The following SLK variants were observed in gnomAD, a reference collection of about 807,000 sequenced individuals.
SLK encodes STE20 like kinase, also known as STE20-like serine/threonine-protein kinase.
A neutral mutation model predicts 147.7 loss-of-function variants in SLK; 67 were observed. The ratio of observed to expected loss-of-function variants is 0.45; its 90% CI spans 0.37 to 0.56. The LOEUF (loss-of-function observed/expected upper bound fraction) is 0.56. Among genes scored for constraint, SLK ranks in the 20% least tolerant of loss-of-function variants. The pLI is 0.00. For missense variants in SLK, 1,136 were observed against 1,438.8 expected, an observed-to-expected ratio of 0.79 and a Z score of 3.41; for synonymous variants, 441 against 475.0, an observed-to-expected ratio of 0.93 and a Z score of 0.93.
chr10:103,991,464 A>G (rs1463703230), intron 2 of SLK, among the ~76,000 whole-genome samples: 1 of 152,138 alleles, frequency 6.6e-6, no homozygotes, highest in Non-Finnish European at 1.5e-5. Flanking sequence ...ATGCAGCTTC[A>G]GTCTTTCTTC....
intron 1 of SLK, among the ~76,000 whole-genome samples, chr10:103,970,988 T>C (rs1843784795): frequency 6.6e-6 from 1 of 152,212 alleles, no homozygotes; most frequent in Non-Finnish European, 1.5e-5. Flanking sequence ...TTTCAGATTT[T>C]GGAGCATTTC....
intron 1 of SLK, among the ~76,000 whole-genome samples, chr10:103,984,493 A>G (rs1487783775): frequency 1.3e-5 from 2 of 152,148 alleles, no homozygotes; most frequent in African/African-American, 4.8e-5. Flanking sequence ...GGCTCACTGC[A>G]ACCTCTCCCT....
rs542720076 is a variant in SLK at position 103,992,916 on chromosome 10, G to T, written c.365-68G>T. ...TGACAGTGATGATATATACAGAAAG[G>T]TATATAGCCTGCTAATATGTTTTCA... is the stretch of plus-strand genomic sequence containing the variant. On this transcript the variant is annotated intron_variant, in intron 3 of 18. Coordinates refer to ENST00000369755, the MANE Select transcript of SLK (RefSeq NM_014720.4). 1.8e-5 allele frequency: 20 copies of T among 1,135,330 alleles called. No homozygotes were observed. In the East Asian group the frequency reaches 4.7e-4, roughly 27 times the overall value. 70.3% of individuals were successfully genotyped at this position (1,135,330 alleles called of 1,614,324 possible).
At chr10:103,968,657 G>A (rs1051524782) in intron 1 of SLK, among the ~76,000 whole-genome samples, 2 of 152,166 alleles carry the variant, frequency 1.3e-5, no homozygotes, top group Non-Finnish European at 1.5e-5. Flanking sequence ...CATCCTGAAG[G>A]GCGAATTTTT....
chr10:104,016,155 A>G (rs952357789), intron 13 of SLK, among the ~76,000 whole-genome samples: 6 of 152,122 alleles, frequency 3.9e-5, no homozygotes, highest in Middle Eastern at 3.4e-3. Flanking sequence ...CGTCTCTACT[A>G]GAAAATACAA....
rs1366894413 is a variant in SLK at position 104,019,013 on chromosome 10, TTCTG to T, written c.3132+109_3132+112del. The T allele has an allele frequency of 1.1e-5, 13 of 1,140,572 alleles. No individual in the cohort carries two copies. In the Admixed American group the frequency reaches 3.0e-4, roughly 26 times the overall value. The allele number at this position is 1,140,572 out of a possible 1,614,324, so 70.7% of individuals were successfully genotyped here. A position where few individuals can be genotyped will look rare whatever the true frequency, so the allele number is the denominator to read the frequency against. ...TTAGATAATGAATTTTAGATTTCCT[TTCTG>T]TCTTTTATCCTACAATTTCTTGGAT... is the stretch of plus-strand genomic sequence containing the variant. On this transcript the variant is annotated intron_variant, in intron 15 of 18. Coordinates refer to ENST00000369755, the MANE Select transcript of SLK (RefSeq NM_014720.4).
At chr10:104,010,726 A>T in intron 12 of SLK, 90 bp from the exon 13 acceptor site, 1 of 747,172 alleles carries the variant, frequency 1.3e-6, no homozygotes, top group Non-Finnish European at 2.0e-6. Context: ...TAACAACTTT[A>T]ATATTTGACT....
intron 14 of SLK, 70 bp from the exon 15 acceptor site, chr10:104,018,714 T>C (rs1844496264): frequency 6.7e-7 from 1 of 1,488,978 alleles, no homozygotes; most frequent in African/African-American, 1.4e-5. Flanking sequence ...TATGTAAATA[T>C]TAAAATGAAG....
At chr10:103,998,227 T>A (rs528479680) in intron 4 of SLK, among the ~76,000 whole-genome samples, 5 of 152,182 alleles carry the variant, frequency 3.3e-5, no homozygotes, top group Non-Finnish European at 7.4e-5. Flanking sequence ...AATACTGAAT[T>A]TTTGGTACTT....
chr10:103,979,657 G>T (rs1343139765), intron 1 of SLK, among the ~76,000 whole-genome samples: 1 of 151,932 alleles, frequency 6.6e-6, no homozygotes, highest in Non-Finnish European at 1.5e-5. Context: ...ATGTTTATTG[G>T]CCATTTGGAT....
Position 104,008,369 on chromosome 10 carries a change from T to C in SLK, c.2784+13T>C, listed in dbSNP as rs1265881539. ...CCGAAAGAAGGAGGTAAGTGTAAAC[T>C]ACTGTTTTTAATTACTAAAGCTTTT... is the stretch of plus-strand genomic sequence containing the variant. On this transcript the variant is annotated intron_variant, in intron 12 of 18. Transcript: ENST00000369755. The C allele has an allele frequency of 3.6e-5, 57 of 1,567,974 alleles. No homozygotes were observed. The Admixed American group carries it at 1.1e-3, about 31-fold the overall frequency.
At chr10:104,003,937 T>C (rs1022206195) in intron 9 of SLK, among the ~76,000 whole-genome samples, 1 of 152,234 alleles carries the variant, frequency 6.6e-6, no homozygotes, top group Admixed American at 6.5e-5. Context: ...CAGACATTGC[T>C]ACTGCCATGA....
intron 15 of SLK, 172 bp downstream of exon 15, chr10:104,019,080 G>A: frequency 1.8e-6 from 1 of 553,660 alleles, no homozygotes; most frequent in Non-Finnish European, 3.1e-6. Context: ...GATCATGATT[G>A]CAAACTTCTT....
At chr10:104,020,715 G>T (rs1315794644) in intron 17 of SLK, 102 bp downstream of exon 17, 2 of 1,265,484 alleles carry the variant, frequency 1.6e-6, no homozygotes, top group African/African-American at 1.5e-5. Context: ...CATCATACAC[G>T]AACATGCTGG....
At chr10:103,999,997 GA>G in intron 7 of SLK, 49 bp downstream of exon 7, 1 of 738,332 alleles carries the variant, frequency 1.4e-6, no homozygotes, top group Non-Finnish European at 2.1e-6. Flanking sequence ...TAACATCTAA[GA>G]ATGTAATTTC....
chr10:103,968,422 T>C (rs1163778919), intron 1 of SLK, among the ~76,000 whole-genome samples: 1 of 152,226 alleles, frequency 6.6e-6, no homozygotes, highest in East Asian at 1.9e-4. Context: ...TAAAATAGAA[T>C]GGAATTTCTG....
At chr10:104,014,215 A>T (rs1844433568) in intron 13 of SLK, among the ~76,000 whole-genome samples, 1 of 152,208 alleles carries the variant, frequency 6.6e-6, no homozygotes, top group African/African-American at 2.4e-5. Flanking sequence ...TTAATTATGG[A>T]TATGGTCAGA....
Position 103,967,669 on chromosome 10 carries a change from G to A in SLK, c.-77G>A. On this transcript the variant is annotated 5_prime_UTR_variant, in exon 1 of 19. Transcript: ENST00000369755. ...CGCCGCCGCCAGCCGGGCTCGCGCG[G>A]GAGAGCAGGGAAGAGAAACTTTGCC... 1 of 1,347,160 alleles carries A rather than the reference G, an allele frequency of 7.4e-7. No homozygotes were observed. The highest frequency in any genetic ancestry group is 1.5e-5 in the African/African-American group (1 of 66,602). The allele number at this position is 1,347,160 out of a possible 1,614,324, so 83.5% of individuals were successfully genotyped here. A position where few individuals can be genotyped will look rare whatever the true frequency, so the allele number is the denominator to read the frequency against.
At chr10:103,999,449 G>C in intron 6 of SLK, 136 bp downstream of exon 6, 1 of 657,424 alleles carries the variant, frequency 1.5e-6, no homozygotes, top group Non-Finnish European at 2.5e-6. Context: ...TTAGAAAAGT[G>C]ATTTTTGGTA....
Sources: allele counts gnomAD v4.1 joint callset (sites outside exome capture counted in the v4.1 genomes callset), GRCh38; gene constraint gnomAD v4.1.1; transcripts MANE v1.5; gene names NCBI Gene and HGNC (gene_info 2026-07-23, HGNC 2026-07-21).